Variants in ATP2B2 observed in about 807,000 individuals in gnomAD.
ATP2B2 encodes ATPase plasma membrane Ca2+ transporting 2, also known as plasma membrane calcium-transporting ATPase 2.
In ATP2B2, 15 loss-of-function variants were observed where a neutral mutation model predicts 120.0. The ratio of observed to expected loss-of-function variants is 0.12; its 90% CI spans 0.08 to 0.19. ATP2B2 has a LOEUF of 0.19. Ranked by LOEUF, ATP2B2 falls within the 10% of genes least tolerant of loss-of-function variation. The pLI, the probability that ATP2B2 is intolerant of heterozygous loss-of-function variation, is 1.00. For missense variants in ATP2B2, 1,045 were observed against 1,719.8 expected (o/e 0.61, Z 6.94); for synonymous variants, 694 against 700.3 (o/e 0.99, Z 0.14).
chr3:10,371,706 G>A, intron 12 of ATP2B2, 103 bp downstream of exon 12: 1 of 1,554,554 alleles, frequency 6.4e-7, no homozygotes, highest in Non-Finnish European at 8.8e-7. Flanking sequence ...AAATATATTA[G>A]CAGGATTTGA....
At chr3:10,434,858 C>T (rs930692950) in intron 2 of ATP2B2, among the ~76,000 whole-genome samples, 1 of 152,278 alleles carries the variant, frequency 6.6e-6, no homozygotes, top group Non-Finnish European at 1.5e-5. Context: ...GTCAAATTCT[C>T]AGTTGCCCCA....
intron 2 of ATP2B2, among the ~76,000 whole-genome samples, chr3:10,549,274 C>A (rs2067616095): frequency 6.6e-6 from 1 of 152,110 alleles, no homozygotes; most frequent in Non-Finnish European, 1.5e-5. Context: ...CCTTTGTTCA[C>A]CACCCTGTGC....
intron 2 of ATP2B2, among the ~76,000 whole-genome samples, chr3:10,544,583 T>C (rs1346942093): frequency 3.9e-5 from 6 of 152,140 alleles, no homozygotes; most frequent in Non-Finnish European, 8.8e-5. Flanking sequence ...ACTCCACACT[T>C]TGGGAGGCTC....
At position 10,342,655 on chromosome 3, in the gene ATP2B2, G is replaced by GA. The variant is rs1169797261; in HGVS notation, c.2917+96dup. Reference sequence around the variant, plus strand: ...CTCAATTTCCCCATTAGCAAAACAGGAGGGGGTTGTGACTCGAGAATGCTG... The same window carrying GA: ...CTCAATTTCCCCATTAGCAAAACAGGAAGGGGGTTGTGACTCGAGAATGCTG... On this transcript the variant is annotated intron_variant, in intron 19 of 22. Coordinates refer to ENST00000360273, the MANE Select transcript of ATP2B2 (RefSeq NM_001001331.4). The surrounding 1 kb of genome is among the most constrained non-coding windows in gnomAD (Gnocchi z 4.4). 1 of 1,432,544 alleles carries GA rather than the reference G, an allele frequency of 7.0e-7. No individual in the cohort carries two copies. The highest frequency in any genetic ancestry group is 9.7e-7 in the Non-Finnish European group (1 of 1,029,686). 88.7% of individuals were successfully genotyped at this position (1,432,544 alleles called of 1,614,324 possible). A position where few individuals can be genotyped will look rare whatever the true frequency, so the allele number is the denominator to read the frequency against.
In ATP2B2 at chr3:10,338,426, C is replaced by A. The variant is rs888837694; in HGVS notation, c.3238-68G>T. ...CCAGTGGCCTTCTCTCCCTGACACC[C>A]GCTCCTCTACCTCCCTCCTCCTACC... is the stretch of plus-strand genomic sequence containing the variant. On this transcript the variant is annotated intron_variant, in intron 21 of 22. Transcript: ENST00000360273. 1.3e-5 allele frequency: 20 copies of A among 1,560,582 alleles called. No individual in the cohort carries two copies. The African/African-American group carries it at 2.2e-4, about 17-fold the overall frequency.
In ATP2B2 at chr3:10,521,394, C is replaced by T. The variant is rs571820238; in HGVS notation, c.-320+12645G>A. On this transcript the variant is annotated intron_variant, in intron 3 of 21. Coordinates refer to the ATP2B2 transcript ENST00000646379. ...ATCCAGGACCAGAAAATCCTTCATT[C>T]ATGAACTTTCAGTCTGGGAACTTTC... 1.6e-4 allele frequency among the ~76,000 whole-genome samples: 24 copies of T among 152,344 alleles called. No homozygotes were observed. In the East Asian group the frequency reaches 3.3e-3, roughly 21 times the overall value.
At chr3:10,372,102 G>A (rs758681546) in intron 11 of ATP2B2, 51 bp from the exon 12 acceptor site, 1 of 1,613,682 alleles carries the variant, frequency 6.2e-7, no homozygotes, top group Non-Finnish European at 8.5e-7. Context: ...GGGCTGGGGA[G>A]CATGGGGTGC....
At chr3:10,419,535 C>T (rs1432383873) in intron 2 of ATP2B2, among the ~76,000 whole-genome samples, 1 of 152,218 alleles carries the variant, frequency 6.6e-6, no homozygotes, top group Non-Finnish European at 1.5e-5. Flanking sequence ...CATGCCCCTA[C>T]CTAGATCGGG....
At chr3:10,665,765 C>T (rs1456368838) in intron 1 of ATP2B2, among the ~76,000 whole-genome samples, 1 of 152,196 alleles carries the variant, frequency 6.6e-6, no homozygotes, top group Non-Finnish European at 1.5e-5. Context: ...CATGGTGTCA[C>T]CTCTCATTCT....
chr3:10,646,005 C>A (rs2070312349), intron 1 of ATP2B2, among the ~76,000 whole-genome samples: 1 of 152,188 alleles, frequency 6.6e-6, no homozygotes, highest in African/African-American at 2.4e-5. Flanking sequence ...TTGACACATG[C>A]AGCCTGGCTA....
chr3:10,617,579 C>A (rs1268363906), intron 2 of ATP2B2, among the ~76,000 whole-genome samples: 1 of 152,202 alleles, frequency 6.6e-6, no homozygotes, highest in Non-Finnish European at 1.5e-5. Context: ...TGGAGTCACC[C>A]ACATGCCCAA....
chr3:10,677,312 G>C (rs2071271102), intron 1 of ATP2B2, among the ~76,000 whole-genome samples: 1 of 152,148 alleles, frequency 6.6e-6, no homozygotes, highest in Admixed American at 6.5e-5. Context: ...AACCTGAAAA[G>C]GCTGCATACT....
chr3:10,606,945 GGAGA>G (rs1559483268), intron 2 of ATP2B2, among the ~76,000 whole-genome samples: 1 of 77,346 alleles, frequency 1.3e-5, no homozygotes, highest in Non-Finnish European at 2.1e-5. Flanking sequence ...AGAGGGAGAG[GGAGA>G]GGGGGAGGGG....
intron 4 of ATP2B2, among the ~76,000 whole-genome samples, chr3:10,401,441 A>G (rs1377697550): frequency 6.6e-6 from 1 of 152,212 alleles, no homozygotes; most frequent in African/African-American, 2.4e-5. Flanking sequence ...GGAAGGAACC[A>G]GTCTCTCTTG....
At chr3:10,428,597 T>C (rs2063215154) in intron 2 of ATP2B2, among the ~76,000 whole-genome samples, 1 of 152,166 alleles carries the variant, frequency 6.6e-6, no homozygotes, top group Non-Finnish European at 1.5e-5. Flanking sequence ...CCGCAGCCAC[T>C]TGAAATTTTA....
chr3:10,337,505 G>C (rs1385372742), intron 22 of ATP2B2, among the ~76,000 whole-genome samples: 1 of 123,204 alleles, frequency 8.1e-6, no homozygotes, highest in Non-Finnish European at 1.8e-5. Context: ...TATGTGTGTG[G>C]GGGGGTCGGG....
intron 1 of ATP2B2, among the ~76,000 whole-genome samples, chr3:10,704,584 T>C (rs1053768230): frequency 6.6e-6 from 1 of 152,214 alleles, no homozygotes; most frequent in African/African-American, 2.4e-5. Flanking sequence ...TCCCTCCTCC[T>C]TCCCGTCCAA....
chr3:10,481,563 TA>T (rs1291613887), intron 1 of ATP2B2, among the ~76,000 whole-genome samples: 1 of 152,238 alleles, frequency 6.6e-6, no homozygotes, highest in East Asian at 1.9e-4. Context: ...TATTTTATTT[TA>T]TTTTTTTGAG....
At chr3:10,651,225 G>A (rs2070452646) in intron 1 of ATP2B2, among the ~76,000 whole-genome samples, 1 of 152,174 alleles carries the variant, frequency 6.6e-6, no homozygotes, top group Admixed American at 6.5e-5. Context: ...TGAAATGTGA[G>A]GACATGAGAT....
Sources: gnomAD v4.1 joint callset for allele counts (sites outside exome capture counted in the v4.1 genomes callset) on GRCh38, gnomAD v4.1.1 for gene constraint, Gnocchi (gnomAD v3.1) non-coding constraint, MANE v1.5 for transcripts, NCBI Gene and HGNC (gene_info 2026-07-23, HGNC 2026-07-21) for gene names.